ACOT7: variants seen among roughly 807,000 people sequenced by gnomAD.
ACOT7 encodes acyl-CoA thioesterase 7, also known as cytosolic acyl coenzyme A thioester hydrolase.
Under a neutral mutation model 40.2 loss-of-function variants are expected in ACOT7, and 12 were observed. That is an observed-to-expected ratio of 0.30 (90% CI 0.19 to 0.48). The LOEUF (loss-of-function observed/expected upper bound fraction) is 0.48. Ranked by LOEUF, ACOT7 falls within the 20% of genes least tolerant of loss-of-function variation. ACOT7 has a pLI of 0.99. For missense variants in ACOT7, 395 were observed against 530.8 expected (o/e 0.74, Z 2.51); for synonymous variants, 228 against 219.5 (o/e 1.04, Z -0.34).
chr1:6,326,969 G>A (rs1391688671), intron 5 of ACOT7, among the ~76,000 whole-genome samples: 9 of 151,266 alleles, frequency 5.9e-5, no homozygotes, highest in East Asian at 5.8e-4. Context: ...GCCACTGAGC[G>A]AACACAAGGA....
chr1:6,333,471 C>T lies in ACOT7; in HGVS notation c.510+6G>A, dbSNP rs769144981. 1 of 1,614,174 alleles carries T rather than the reference C, an allele frequency of 6.2e-7. No homozygotes were observed. Among genetic ancestry groups the T allele is most frequent in the South Asian group, 1.1e-5 (1 of 91,082 alleles). ...CCCCAAGAGAGAAGTAGAAAGGGCA[C>T]CTTACCACAACAGGAGGCACCTCGA... On this transcript the variant is annotated splice_donor_region_variant and intron_variant, in intron 4 of 8. Transcript: ENST00000361521.
chr1:6,266,775 C>A (rs1471440067), intron 8 of ACOT7, among the ~76,000 whole-genome samples: 1 of 152,280 alleles, frequency 6.6e-6, no homozygotes, highest in South Asian at 2.1e-4. Flanking sequence ...CGGCCGCCCA[C>A]AGCCTGGCTT....
At chr1:6,291,414 G>A (rs1639660282) in intron 7 of ACOT7, among the ~76,000 whole-genome samples, 1 of 152,072 alleles carries the variant, frequency 6.6e-6, no homozygotes, top group Non-Finnish European at 1.5e-5. Flanking sequence ...GCTGGAAGGG[G>A]CAGGGACGGA....
chr1:6,354,009 C>CG (rs1462295343), intron 1 of ACOT7, among the ~76,000 whole-genome samples: 1 of 152,206 alleles, frequency 6.6e-6, no homozygotes, highest in Non-Finnish European at 1.5e-5. Flanking sequence ...GAATGTCACC[C>CG]GGGCCCACAG....
At chr1:6,385,623 C>A (rs376250754) in intron 1 of ACOT7, 1 of 1,612,248 alleles carries the variant, frequency 6.2e-7, no homozygotes, top group African/African-American at 1.3e-5. Context: ...AGATGCCTGC[C>A]TCCCAAACTC....
At chr1:6,269,468 C>T (rs941241985) in intron 8 of ACOT7, among the ~76,000 whole-genome samples, 46 of 152,366 alleles carry the variant, frequency 3.0e-4, no homozygotes, top group African/African-American at 1.1e-3. Context: ...CCCCAGCGGC[C>T]ACCAGGCCAT....
At chr1:6,362,488 C>T (rs1157308754) in intron 1 of ACOT7, among the ~76,000 whole-genome samples, 1 of 151,854 alleles carries the variant, frequency 6.6e-6, no homozygotes, top group Non-Finnish European at 1.5e-5. Context: ...CCCCATCCCT[C>T]CCATACCTAC....
chr1:6,372,938 T>C (rs1292358354), intron 1 of ACOT7, among the ~76,000 whole-genome samples: 5 of 152,104 alleles, frequency 3.3e-5, no homozygotes, highest in African/African-American at 7.2e-5. Flanking sequence ...AATTTCAAAA[T>C]TGTTGTGTCT....
chr1:6,298,561 A>C (rs1349851574), intron 6 of ACOT7, among the ~76,000 whole-genome samples: 1 of 152,216 alleles, frequency 6.6e-6, no homozygotes, highest in African/African-American at 2.4e-5. Flanking sequence ...TTGGCAAGGG[A>C]AAGAATCCTA....
rs1034147544 is a variant in ACOT7 at position 6,355,128 on chromosome 1, C to T, written c.144-5262G>A. 1.3e-5 allele frequency among the ~76,000 whole-genome samples: 2 copies of T among 152,152 alleles called. No homozygotes were observed. Among genetic ancestry groups the T allele is most frequent in the Non-Finnish European group, 2.9e-5 (2 of 68,024 alleles). On this transcript the variant is annotated intron_variant, in intron 1 of 8. Transcript: ENST00000361521. This position sits in a 1 kb window ranked among gnomAD's most constrained non-coding sequence, Gnocchi z 5.0. The stretch of plus-strand genomic sequence containing the variant: ...AGCAGGCACGCCTGGCCCTTCCCAC[C>T]GTTCTACCTGTCCCAGCAACGCCTG...
chr1:6,340,035 C>G (rs1390994502), intron 2 of ACOT7, among the ~76,000 whole-genome samples: 1 of 144,838 alleles, frequency 6.9e-6, no homozygotes, highest in Admixed American at 6.8e-5. Context: ...GTGCGATCTC[C>G]CCTCACTGCA....
At position 6,275,921 on chromosome 1, in the gene ACOT7, G is replaced by T. The variant is rs1639175343; in HGVS notation, c.1014+5181C>A. Among the ~76,000 whole-genome samples the T allele has an allele frequency of 6.6e-6, 1 of 152,112 alleles. No homozygotes were observed. The highest frequency in any genetic ancestry group is 1.5e-5 in the Non-Finnish European group (1 of 68,028). ...TGGAAGCCTGCTTTGCAAAGACCCT[G>T]CCCTGCATAATGTGGTTGCACAGTT... On this transcript the variant is annotated intron_variant, in intron 8 of 8. Transcript: ENST00000361521. This position sits in a 1 kb window ranked among gnomAD's most constrained non-coding sequence, Gnocchi z 5.6.
rs1243305565 is a variant in ACOT7 at position 6,294,309 on chromosome 1, A to G, written c.829+555T>C. 6.6e-6 allele frequency among the ~76,000 whole-genome samples: 1 copy of G among 152,224 alleles called. No homozygotes were observed. The highest frequency in any genetic ancestry group is 1.5e-5 in the Non-Finnish European group (1 of 68,038). On this transcript the variant is annotated intron_variant, in intron 7 of 8. Transcript: ENST00000361521. The surrounding 1 kb of genome is among the most constrained non-coding windows in gnomAD (Gnocchi z 4.6). ...ACAAACTGCAGAGGCCTGGCCTGTC[A>G]AGCTGGCACACATACCCCAGGGACA...
intron 6 of ACOT7, among the ~76,000 whole-genome samples, chr1:6,298,808 G>C (rs954442808): frequency 6.6e-6 from 1 of 152,226 alleles, no homozygotes; most frequent in Admixed American, 6.5e-5. Flanking sequence ...GGTAGAGGAC[G>C]GTTGGGCCAG....
At chr1:6,285,173 G>A (rs765700557) in intron 7 of ACOT7, among the ~76,000 whole-genome samples, 24 of 152,200 alleles carry the variant, frequency 1.6e-4, no homozygotes, top group Middle Eastern at 3.2e-3. Context: ...ACCCACGAGG[G>A]CTGGGGTGTG....
intron 8 of ACOT7, among the ~76,000 whole-genome samples, chr1:6,268,768 G>A (rs928635055): frequency 8.5e-5 from 13 of 152,258 alleles, no homozygotes; most frequent in Admixed American, 7.2e-4. Context: ...CCAGCCACAC[G>A]CAGCAGTGGA....
At chr1:6,292,168 G>C (rs1639685184) in intron 7 of ACOT7, among the ~76,000 whole-genome samples, 2 of 152,360 alleles carry the variant, frequency 1.3e-5, no homozygotes, top group South Asian at 4.1e-4. Flanking sequence ...ATTTCAGTTT[G>C]GTCCAAATTC....
At chr1:6,267,386 G>T (rs1363643985) in intron 8 of ACOT7, among the ~76,000 whole-genome samples, 2 of 152,220 alleles carry the variant, frequency 1.3e-5, no homozygotes, top group African/African-American at 2.4e-5. Context: ...TGGGTGTCCT[G>T]GGGGGCTGGT....
chr1:6,272,824 C>T (rs907924464), intron 8 of ACOT7, among the ~76,000 whole-genome samples: 34 of 152,242 alleles, frequency 2.2e-4, no homozygotes, highest in African/African-American at 8.0e-4. Flanking sequence ...GCTCACCTTC[C>T]GCAGCACCCT....
Sources: allele counts gnomAD v4.1 joint callset (sites outside exome capture counted in the v4.1 genomes callset), GRCh38; gene constraint gnomAD v4.1.1; non-coding constraint Gnocchi (gnomAD v3.1); transcripts MANE v1.5; gene names NCBI Gene and HGNC (gene_info 2026-07-23, HGNC 2026-07-21).